The following REV1 variants were observed in gnomAD, a reference collection of about 807,000 sequenced individuals.
REV1 encodes REV1 DNA directed polymerase.
A neutral mutation model predicts 137.4 loss-of-function variants in REV1; 42 were observed. The ratio of observed to expected loss-of-function variants is 0.31; its 90% confidence interval spans 0.24 to 0.40. The LOEUF (loss-of-function observed/expected upper bound fraction) is 0.40. REV1 is among the 10% of genes least tolerant of loss of function. The probability of loss-of-function intolerance (pLI) is 1.00; values close to 1 mark genes in which losing one functional copy is unlikely to be tolerated. For synonymous variants in REV1, 524 were observed against 519.2 expected (o/e 1.01, Z -0.12); for missense variants, 1,282 against 1,490.1 (o/e 0.86, Z 2.30).
chr2:99,457,397 A>G (rs897250072), intron 3 of REV1, among the ~76,000 whole-genome samples: 1 of 152,192 alleles, frequency 6.6e-6, no homozygotes, highest in African/African-American at 2.4e-5. Flanking sequence ...TAACATTTAT[A>G]TAGGTCAGGT....
chr2:99,477,140 T>C (rs1686067489), intron 1 of REV1, among the ~76,000 whole-genome samples: 1 of 152,160 alleles, frequency 6.6e-6, no homozygotes, highest in South Asian at 2.1e-4. Context: ...TCTTTCTTAC[T>C]TTTAGTAATG....
Position 99,462,626 on chromosome 2 carries a change from G to T in REV1, c.55-4C>A. 1 of 1,592,852 alleles carries T rather than the reference G, an allele frequency of 6.3e-7. No homozygotes were observed. Among genetic ancestry groups the T allele is most frequent in the South Asian group, 1.2e-5 (1 of 86,724 alleles). Reference sequence around the variant, plus strand: ...CCTTGGCAGCCATATACCCACCCTAGAATTAAAGAAAAGGTAAACCAATCA... The same window carrying T: ...CCTTGGCAGCCATATACCCACCCTATAATTAAAGAAAAGGTAAACCAATCA... On this transcript the variant is annotated splice_region_variant and splice_polypyrimidine_tract_variant and intron_variant, in intron 2 of 22. Transcript: ENST00000258428.
At chr2:99,462,879 G>A in intron 2 of REV1, 1 of 293,542 alleles carries the variant, frequency 3.4e-6, no homozygotes, top group South Asian at 6.3e-5. Flanking sequence ...CCTGAGATCA[G>A]GAGTTTGAGA....
intron 3 of REV1, chr2:99,451,468 A>G (rs1480603012): frequency 7.7e-7 from 1 of 1,304,098 alleles, no homozygotes; most frequent in East Asian, 5.5e-5. Context: ...GCTCTTACAT[A>G]TTCTTCAGTG....
At chr2:99,413,039 C>A in intron 12 of REV1, 88 bp from the exon 13 acceptor site, 1 of 920,430 alleles carries the variant, frequency 1.1e-6, no homozygotes. Flanking sequence ...ATGCACAAAA[C>A]AACTAGTTTA....
At chr2:99,434,493 G>A in intron 7 of REV1, 45 bp from the exon 8 acceptor site, 2 of 1,343,798 alleles carry the variant, frequency 1.5e-6, no homozygotes, top group African/African-American at 1.5e-5. Flanking sequence ...GTACAGGAAT[G>A]TTAACAACAT....
intron 1 of REV1, among the ~76,000 whole-genome samples, chr2:99,482,890 G>A (rs1270256589): frequency 6.6e-6 from 1 of 151,934 alleles, no homozygotes; most frequent in Non-Finnish European, 1.5e-5. Flanking sequence ...GGTGGCAGGT[G>A]CCTGTAATCT....
intron 3 of REV1, among the ~76,000 whole-genome samples, chr2:99,457,135 G>C (rs1253055810): frequency 6.6e-6 from 1 of 152,164 alleles, no homozygotes; most frequent in African/African-American, 2.4e-5. Flanking sequence ...AAGGCTTAGA[G>C]ATTACTTTTT....
At chr2:99,452,002 T>C (rs964217050) in intron 3 of REV1, among the ~76,000 whole-genome samples, 1 of 152,090 alleles carries the variant, frequency 6.6e-6, no homozygotes, top group Non-Finnish European at 1.5e-5. Flanking sequence ...GTTCTATTTC[T>C]TCAATACTAG....
chr2:99,434,362 A>G lies in REV1; in HGVS notation c.1408T>C (p.Tyr470His), dbSNP rs1179657363. ...TTGCCTTTCAGGATTTTATTCTGGT[A>G]ATACTGCCACTCCAGCTGGGGGTTA... ...GANPQLEWQY[Y>H]QNKILKGKAA... The change falls in exon 8 of 23, where the codon TAC (tyrosine) becomes CAC (histidine). Residue 470 changes from tyrosine (Y) to histidine (H), a missense_variant. By Grantham distance (83) the Tyr-to-His change is moderately conservative. Transcript: ENST00000258428. The G allele has an allele frequency of 2.5e-6, 4 of 1,609,184 alleles. No homozygotes were observed. The highest frequency in any genetic ancestry group is 3.4e-6 in the Non-Finnish European group (4 of 1,177,968).
At chr2:99,475,686 CA>C (rs138622803) in intron 1 of REV1, among the ~76,000 whole-genome samples, 2 of 149,390 alleles carry the variant, frequency 1.3e-5, no homozygotes, top group African/African-American at 4.9e-5. Flanking sequence ...CACTCTGTCT[CA>C]AAAAAAAAAT....
At chr2:99,412,394 G>A (rs1269934152) in intron 13 of REV1, among the ~76,000 whole-genome samples, 1 of 151,610 alleles carries the variant, frequency 6.6e-6, no homozygotes, top group Non-Finnish European at 1.5e-5. Flanking sequence ...TTTAACTACA[G>A]CTTAAAAAAT....
chr2:99,458,723 T>C (rs991960728), intron 3 of REV1, among the ~76,000 whole-genome samples: 1 of 152,210 alleles, frequency 6.6e-6, no homozygotes, highest in Non-Finnish European at 1.5e-5. Context: ...ACAATTTTGA[T>C]GACCTGACAG....
chr2:99,402,832 A>T (rs1022534592), intron 20 of REV1, 32 bp from the exon 21 acceptor site: 1 of 1,613,590 alleles, frequency 6.2e-7, no homozygotes, highest in Non-Finnish European at 8.5e-7. Flanking sequence ...AAATTGCTAT[A>T]TTCACACATT....
intron 9 of REV1, among the ~76,000 whole-genome samples, chr2:99,427,548 C>G (rs528927666): frequency 2.4e-4 from 36 of 152,172 alleles, no homozygotes; most frequent in Non-Finnish European, 2.9e-5. Flanking sequence ...CTCACCAGTG[C>G]ATCAAACTGA....
chr2:99,439,143 A>T lies in REV1; in HGVS notation c.671T>A (p.Ile224Asn). Residue 224 changes from isoleucine to asparagine, a missense_variant, in exon 6 of 23, where the codon ATT becomes AAT. Around this residue, in one of 7 missense-constraint regions of REV1, gnomAD observed 432 missense variants for 438.0 expected, o/e 0.99. Coordinates refer to ENST00000258428, the MANE Select transcript of REV1 (RefSeq NM_016316.4). ...AGAGCTAGGAGTGTGTCCATTAAAA[A>T]TGGCAGTGCTCCCTCTGGGATGCGG... Reference protein sequence around the residue: ...GIPHPRGSTAIFNGHTPSSNG... With the variant: ...GIPHPRGSTANFNGHTPSSNG... 1 of 1,614,190 alleles carries T rather than the reference A, an allele frequency of 6.2e-7. No individual in the cohort carries two copies. Among genetic ancestry groups the T allele is most frequent in the Non-Finnish European group, 8.5e-7 (1 of 1,180,024 alleles).
intron 7 of REV1, among the ~76,000 whole-genome samples, chr2:99,435,322 T>G (rs1200660893): frequency 5.3e-5 from 8 of 152,214 alleles, no homozygotes; most frequent in African/African-American, 1.7e-4. Context: ...TTTAAAATAC[T>G]GACTAGTTCA....
At chr2:99,424,967 C>A in intron 9 of REV1, 1 of 1,075,904 alleles carries the variant, frequency 9.3e-7, no homozygotes, top group South Asian at 1.7e-5. Flanking sequence ...ACATTTGGAG[C>A]ATTCACCACA....
chr2:99,470,786 C>T (rs760956485), intron 1 of REV1, among the ~76,000 whole-genome samples: 30 of 152,236 alleles, frequency 2.0e-4, no homozygotes, highest in South Asian at 4.1e-4. Context: ...GCAGGGTGGA[C>T]GCATCAGGTT....
Sources: gnomAD v4.1 joint callset for allele counts (sites outside exome capture counted in the v4.1 genomes callset) on GRCh38, gnomAD v4.1.1 for gene constraint, gnomAD v4.1.1 regional missense constraint, MANE v1.5 for transcripts, NCBI Gene and HGNC (gene_info 2026-07-23, HGNC 2026-07-21) for gene names.